GPR143: variants seen among roughly 807,000 people sequenced by gnomAD.
GPR143 encodes G protein-coupled receptor 143.
Under a neutral mutation model 27.6 loss-of-function variants are expected in GPR143, and 8 were observed. The ratio of observed to expected loss-of-function variants is 0.29; its 90% CI spans 0.17 to 0.52. The LOEUF is 0.52. Among genes scored for constraint, GPR143 ranks in the 20% least tolerant of loss-of-function variants. GPR143 has a pLI of 0.96. For synonymous variants in GPR143, 156 were observed against 153.2 expected, an observed-to-expected ratio of 1.02 and a Z score of -0.13; for missense variants, 303 against 343.1, an observed-to-expected ratio of 0.88 and a Z score of 0.92.
chrX:9,735,255 C>T (rs1407250520), intron 8 of GPR143, among the ~76,000 whole-genome samples: 4 of 112,087 alleles, frequency 3.6e-5, no homozygotes, highest in Non-Finnish European at 5.6e-5. Context: ...TGGCCTTTCG[C>T]TGGCCACCGG....
upstream of GPR143, among the ~76,000 whole-genome samples, chrX:9,770,937 T>C (rs1413162943): frequency 8.9e-6 from 1 of 111,892 alleles, no homozygotes; most frequent in Non-Finnish European, 1.9e-5. Flanking sequence ...CATACGCAAG[T>C]TGATTGAGCA....
At chrX:9,735,879 G>C (rs1444573502) in intron 8 of GPR143, among the ~76,000 whole-genome samples, 2 of 112,031 alleles carry the variant, frequency 1.8e-5, no homozygotes, top group African/African-American at 6.5e-5. Flanking sequence ...GTAGTAATCA[G>C]GTGCAGCCAA....
chrX:9,741,550 A>G (rs1043607941), intron 6 of GPR143, 95 bp from the exon 7 acceptor site: 6 of 529,381 alleles, frequency 1.1e-5, no homozygotes, highest in Non-Finnish European at 3.5e-6. Flanking sequence ...ACCAAGACCT[A>G]AAAGTACCAA....
chrX:9,732,287 T>C (rs1341682173), intron 8 of GPR143, among the ~76,000 whole-genome samples: 8 of 111,074 alleles, frequency 7.2e-5, no homozygotes, highest in Non-Finnish European at 1.3e-4. Context: ...GGACAGGAAC[T>C]GTGGAGAACA....
intron 6 of GPR143, 133 bp downstream of exon 6, chrX:9,743,432 A>G (rs2083413465): frequency 4.0e-6 from 2 of 501,626 alleles, no homozygotes; most frequent in African/African-American, 4.7e-5. Context: ...AAGGGCACCT[A>G]GCACAGTCTC....
intron 3 of GPR143, among the ~76,000 whole-genome samples, chrX:9,757,809 C>T (rs1227820891): frequency 9.0e-6 from 1 of 111,380 alleles, no homozygotes; most frequent in African/African-American, 3.3e-5. Context: ...CTCACTCTGT[C>T]GCCCAGGCTG....
chrX:9,736,521 C>T (rs2083380161), intron 8 of GPR143, among the ~76,000 whole-genome samples: 1 of 111,263 alleles, frequency 9.0e-6, no homozygotes, highest in Non-Finnish European at 1.9e-5. Context: ...AACTCCTGGC[C>T]TCAAACGATC....
chrX:9,771,173 C>T (rs2083553380), upstream of GPR143, among the ~76,000 whole-genome samples: 1 of 111,169 alleles, frequency 9.0e-6, no homozygotes, highest in South Asian at 3.9e-4. Flanking sequence ...GTCCTCCCGC[C>T]TCAGCCTCCT....
At chrX:9,730,509 C>G (rs1211494559) in intron 8 of GPR143, among the ~76,000 whole-genome samples, 1 of 111,825 alleles carries the variant, frequency 8.9e-6, no homozygotes, top group South Asian at 3.7e-4. Context: ...GCTGATCTCC[C>G]AGAGCCCAAG....
At chrX:9,764,518 A>G (rs200759513) in intron 1 of GPR143, among the ~76,000 whole-genome samples, 29,434 of 85,342 alleles carry the variant, frequency 0.34, 3,724 homozygotes, top group Non-Finnish European at 0.47. Context: ...ACACACACAC[A>G]CACACACACA....
chrX:9,765,902 T>A, upstream of GPR143: 1 of 921,089 alleles, frequency 1.1e-6, no homozygotes, highest in Non-Finnish European at 1.4e-6. Context: ...GGGGGCGGCA[T>A]CATGTGCCCT....
At chrX:9,767,149 A>C (rs1451705897), upstream of GPR143, among the ~76,000 whole-genome samples, 2 of 107,775 alleles carry the variant, frequency 1.9e-5, no homozygotes, top group East Asian at 5.6e-4. Context: ...ATATTGTGTT[A>C]ATGATTACAG....
Position 9,725,420 on chromosome X carries a change from T to C in GPR143, c.*326A>G, listed in dbSNP as rs2083320692. 4.3e-6 allele frequency: 1 copy of C among 230,414 alleles called. No individual in the cohort carries two copies. Among genetic ancestry groups the C allele is most frequent in the African/African-American group, 2.8e-5 (1 of 35,344 alleles). The allele number at this position is 230,414 out of a possible 1,213,427, so 19.0% of individuals were successfully genotyped here. A position where few individuals can be genotyped will look rare whatever the true frequency, so the allele number is the denominator to read the frequency against. On this transcript the variant is annotated 3_prime_UTR_variant, in exon 9 of 9. Transcript: ENST00000467482. ...CCAAGTCAGGCTGAGAGCTCAGTCA[T>C]AACTATTTTATTTAACTACTTCCCC...
intron 3 of GPR143, 32 bp downstream of exon 3, chrX:9,759,300 T>G (rs749739235): frequency 5.4e-6 from 5 of 919,682 alleles, no homozygotes; most frequent in Non-Finnish European, 7.8e-6. Context: ...AAAATAGAAC[T>G]AGGGCAGAAA....
rs1033905316 is a variant in GPR143 at position 9,726,120 on chromosome X, G to A, written c.1121-280C>T. 21 of 316,348 alleles carry A rather than the reference G, an allele frequency of 6.6e-5. No individual in the cohort carries two copies. The East Asian group carries it at 6.7e-4, about 10-fold the overall frequency. 26.1% of individuals were successfully genotyped at this position (316,348 alleles called of 1,213,427 possible). ...GGCCAGTTGATTGATAGGTGACTGC[G>A]GCACAGATGCTGCAGGTGACACAAC... is the stretch of plus-strand genomic sequence containing the variant. On this transcript the variant is annotated intron_variant, in intron 8 of 8. Transcript: ENST00000467482.
intron 8 of GPR143, among the ~76,000 whole-genome samples, chrX:9,736,920 G>C (rs1485057598): frequency 8.9e-6 from 1 of 111,800 alleles, no homozygotes; most frequent in Non-Finnish European, 1.9e-5. Flanking sequence ...TTGAGGGCCA[G>C]GTTTACACAT....
chrX:9,766,022 G>A, upstream of GPR143: 1 of 303,342 alleles, frequency 3.3e-6, no homozygotes, highest in Admixed American at 6.3e-5. Context: ...GCTTGGGCGG[G>A]CGGAGGAGGA....
chrX:9,749,677 G>C (rs977322399), intron 3 of GPR143, among the ~76,000 whole-genome samples: 1 of 112,272 alleles, frequency 8.9e-6, no homozygotes, highest in Admixed American at 9.5e-5. Flanking sequence ...TGCCCAAGCT[G>C]GTCTTGAACT....
At chrX:9,760,941 AGAAG>A (rs1200427285) in intron 1 of GPR143, 115 bp from the exon 2 acceptor site, 6 of 469,054 alleles carry the variant, frequency 1.3e-5, no homozygotes, top group South Asian at 3.1e-5. Flanking sequence ...AGAGGAAGGA[AGAAG>A]GAAGGAAGGA....
Sources: allele counts gnomAD v4.1 joint callset (sites outside exome capture counted in the v4.1 genomes callset), GRCh38; gene constraint gnomAD v4.1.1; transcripts MANE v1.5; gene names NCBI Gene and HGNC (gene_info 2026-07-23, HGNC 2026-07-21).